Variants in HAPLN3 observed in about 807,000 individuals in gnomAD.
HAPLN3 encodes hyaluronan and proteoglycan link protein 3.
Under a neutral mutation model 28.1 loss-of-function variants are expected in HAPLN3, and 28 were observed. The ratio of observed to expected loss-of-function variants is 1.00; its 90% CI spans 0.74 to 1.37. The LOEUF (loss-of-function observed/expected upper bound fraction) is 1.37, where lower values mean the gene tolerates loss of function less well. Ranked by LOEUF, HAPLN3 falls within the 40% of genes most tolerant of loss-of-function variation. The pLI is 0.00. For synonymous variants in HAPLN3, 211 were observed against 213.1 expected (o/e 0.99, Z 0.09); for missense variants, 513 against 504.6 (o/e 1.02, Z -0.16).
rs921942154 is a variant in HAPLN3, at chr15:88,877,665, G to A, written c.*305C>T. The A allele has an allele frequency of 1.6e-5, 5 of 315,770 alleles. No individual in the cohort carries two copies. The highest frequency in any genetic ancestry group is 2.9e-5 in the Non-Finnish European group (5 of 172,304). The allele number at this position is 315,770 out of a possible 1,614,324, so 19.6% of individuals were successfully genotyped here. ...CCGGCGGCATTCTAGACAGGCCACCGCCCACTCTGGGCACCAACCTCCTTA... is the reference window on the plus strand; with the variant it reads ...CCGGCGGCATTCTAGACAGGCCACCACCCACTCTGGGCACCAACCTCCTTA... On this transcript the variant is annotated 3_prime_UTR_variant, in exon 5 of 5. Coordinates refer to ENST00000359595, the MANE Select transcript of HAPLN3 (RefSeq NM_178232.4). The surrounding 1 kb of genome is among the most constrained non-coding windows in gnomAD (Gnocchi z 5.1).
At chr15:88,886,808 G>C (rs1198178623) in intron 2 of HAPLN3, among the ~76,000 whole-genome samples, 2 of 152,234 alleles carry the variant, frequency 1.3e-5, no homozygotes, top group Admixed American at 1.3e-4. Context: ...CTCGGCAACA[G>C]AGTGAGACTT....
At position 88,895,054 on chromosome 15, in the gene HAPLN3, T is replaced by C. The variant is rs1023585610; in HGVS notation, c.-48+405A>G. On this transcript the variant is annotated intron_variant, in intron 1 of 4. Coordinates refer to ENST00000359595, the MANE Select transcript of HAPLN3 (RefSeq NM_178232.4). This position sits in a 1 kb window ranked among gnomAD's most constrained non-coding sequence, Gnocchi z 5.5. ...CGGGGCCCCCGGAGCATCCAACAGA[T>C]ACCCAGGGGCAGGGCCTGGGGCGCC... Among the ~76,000 whole-genome samples the C allele has an allele frequency of 6.6e-6, 1 of 152,028 alleles. No homozygotes were observed. Among genetic ancestry groups the C allele is most frequent in the African/African-American group, 2.4e-5 (1 of 41,436 alleles).
At chr15:88,886,240 G>T (rs938190228) in intron 2 of HAPLN3, among the ~76,000 whole-genome samples, 1 of 149,420 alleles carries the variant, frequency 6.7e-6, no homozygotes, top group African/African-American at 2.5e-5. Context: ...AATCCCAGCT[G>T]CTTGGGAGGC....
chr15:88,889,516 T>C (rs1897954612), intron 1 of HAPLN3, among the ~76,000 whole-genome samples: 1 of 152,122 alleles, frequency 6.6e-6, no homozygotes, highest in Non-Finnish European at 1.5e-5. Flanking sequence ...TTGTATTTTT[T>C]GTAGAGACGG....
intron 1 of HAPLN3, chr15:88,892,933 C>T (rs1261532278): frequency 1.3e-6 from 2 of 1,531,612 alleles, no homozygotes; most frequent in South Asian, 1.2e-5. Context: ...CACAGAGGTG[C>T]CACCAGCTGG....
Position 88,879,035 on chromosome 15 carries a change from C to T in HAPLN3, c.728G>A (p.Arg243Gln), listed in dbSNP as rs1018608483. Residue 243 changes from arginine to glutamine, a missense_variant, in exon 4 of 5, where the codon CGA becomes CAA. Coordinates refer to ENST00000359595, the MANE Select transcript of HAPLN3 (RefSeq NM_178232.4). The surrounding 1 kb of genome is among the most constrained non-coding windows in gnomAD (Gnocchi z 5.0). ...CGGPGLAPGV[R>Q]SYGPRHRRLH... ...GCGGCGGTGGCGGGGGCCGTAGCTT[C>T]GCACGCCAGGTGCCAGGCCCGGGCC... 7 of 1,607,944 alleles carry T rather than the reference C, an allele frequency of 4.4e-6. No individual in the cohort carries two copies. Among genetic ancestry groups the T allele is most frequent in the African/African-American group, 2.7e-5 (2 of 74,998 alleles).
At chr15:88,887,962 T>C (rs750085778) in intron 1 of HAPLN3, among the ~76,000 whole-genome samples, 13 of 151,044 alleles carry the variant, frequency 8.6e-5, no homozygotes, top group Non-Finnish European at 1.9e-4. Flanking sequence ...AAACTCTATC[T>C]CAAAAAAAAG....
At chr15:88,882,535 T>C (rs1897734101) in intron 2 of HAPLN3, among the ~76,000 whole-genome samples, 1 of 152,164 alleles carries the variant, frequency 6.6e-6, no homozygotes, top group Non-Finnish European at 1.5e-5. Context: ...GCAGAACTTC[T>C]AAAGGAGACT....
chr15:88,893,440 T>C (rs8029559), intron 1 of HAPLN3, among the ~76,000 whole-genome samples: 44,395 of 150,096 alleles, frequency 0.3, 6,654 homozygotes, highest in African/African-American at 0.35. Context: ...TGGGCTGTGG[T>C]GACAATTATA....
intron 2 of HAPLN3, among the ~76,000 whole-genome samples, chr15:88,882,147 A>G (rs933470779): frequency 2.6e-5 from 4 of 152,196 alleles, no homozygotes; most frequent in Admixed American, 6.5e-5. Flanking sequence ...AGCTGAGGCC[A>G]TCCTACAGCA....
At chr15:88,890,565 G>A (rs979810510) in intron 1 of HAPLN3, among the ~76,000 whole-genome samples, 1 of 152,170 alleles carries the variant, frequency 6.6e-6, no homozygotes, top group Non-Finnish European at 1.5e-5. Flanking sequence ...GTCTAGATGG[G>A]TGCACGACCG....
Position 88,885,201 on chromosome 15 carries a change from G to A in HAPLN3, c.124+1974C>T, listed in dbSNP as rs901237855. Among the ~76,000 whole-genome samples the A allele has an allele frequency of 1.1e-4, 17 of 152,342 alleles. No homozygotes were observed. In the East Asian group the frequency reaches 1.9e-3, roughly 17 times the overall value. On this transcript the variant is annotated intron_variant, in intron 2 of 4. Coordinates refer to ENST00000359595, the MANE Select transcript of HAPLN3 (RefSeq NM_178232.4). The stretch of plus-strand genomic sequence containing the variant: ...GTGTCGTCTCTGAACCAGGCTGTGC[G>A]CTCTTCATGGCAGGTGCTGGCTATT...
At position 88,879,856 on chromosome 15, in the gene HAPLN3, G is replaced by C. The variant is rs952698429; in HGVS notation, c.494-587C>G. ...CTCTCCTTGTGGTCAGGGTCTGATA[G>C]AGGCCACAGGCCCTGAAAAGATATG... is the stretch of plus-strand genomic sequence containing the variant. On this transcript the variant is annotated intron_variant, in intron 3 of 4. Coordinates refer to ENST00000359595, the MANE Select transcript of HAPLN3 (RefSeq NM_178232.4). This position sits in a 1 kb window ranked among gnomAD's most constrained non-coding sequence, Gnocchi z 5.0. The C allele has an allele frequency of 1.8e-5, 19 of 1,047,372 alleles. No individual in the cohort carries two copies. Among genetic ancestry groups the C allele is most frequent in the Non-Finnish European group, 2.2e-5 (19 of 867,468 alleles). 64.9% of individuals were successfully genotyped at this position (1,047,372 alleles called of 1,614,324 possible). A position where few individuals can be genotyped will look rare whatever the true frequency, so the allele number is the denominator to read the frequency against.
rs931979053 is a variant in HAPLN3, at chr15:88,888,217, G to A, written c.-47-872C>T. Among the ~76,000 whole-genome samples, 3 of 149,200 alleles carry A rather than the reference G, an allele frequency of 2.0e-5. No individual in the cohort carries two copies. Among genetic ancestry groups the A allele is most frequent in the South Asian group, 2.3e-4 (1 of 4,438 alleles). On this transcript the variant is annotated intron_variant, in intron 1 of 4. Transcript: ENST00000359595. This position sits in a 1 kb window ranked among gnomAD's most constrained non-coding sequence, Gnocchi z 4.1. Reference sequence around the variant, plus strand: ...AGAAATTCTCCTGCCTCAGCCTCCCGAGTAGCTGGGACTACAGGTGCGTGC... The same window carrying A: ...AGAAATTCTCCTGCCTCAGCCTCCCAAGTAGCTGGGACTACAGGTGCGTGC...
Position 88,881,614 on chromosome 15 carries a change from A to T in HAPLN3, c.236T>A (p.Val79Asp), listed in dbSNP as rs887945302. ...TTTGACACGCACACGCCGCGGGGAG[A>T]CCAGGGCCGGCTCGTAGCGGTAGCG... ...PCRYRYEPAL[V>D]SPRRVRVKWW... Residue 79 changes from valine (V) to aspartate (D), a missense_variant, in exon 3 of 5, where the codon GTC becomes GAC. By Grantham distance (152) the Val-to-Asp change is radical. Coordinates refer to ENST00000359595, the MANE Select transcript of HAPLN3 (RefSeq NM_178232.4). This position sits in a 1 kb window ranked among gnomAD's most constrained non-coding sequence, Gnocchi z 6.0. 1 of 1,613,928 alleles carries T rather than the reference A, an allele frequency of 6.2e-7. No individual in the cohort carries two copies. The highest frequency in any genetic ancestry group is 8.5e-7 in the Non-Finnish European group (1 of 1,180,020).
chr15:88,883,317 G>A (rs1167626557), intron 2 of HAPLN3, among the ~76,000 whole-genome samples: 1 of 152,260 alleles, frequency 6.6e-6, no homozygotes, highest in Non-Finnish European at 1.5e-5. Context: ...GCTCTGCAGA[G>A]GCAGTAGGTA....
rs748252596 is a variant in HAPLN3, at chr15:88,887,448, C to T, written c.-47-103G>A. 6.8e-5 allele frequency: 72 copies of T among 1,059,456 alleles called. No homozygotes were observed. The South Asian group carries it at 8.3e-4, about 12-fold the overall frequency. 65.6% of individuals were successfully genotyped at this position (1,059,456 alleles called of 1,614,324 possible). A position where few individuals can be genotyped will look rare whatever the true frequency, so the allele number is the denominator to read the frequency against. On this transcript the variant is annotated intron_variant, in intron 1 of 4. Coordinates refer to ENST00000359595, the MANE Select transcript of HAPLN3 (RefSeq NM_178232.4). ...CACTCGCTTGCTCAACAGCTCACTG[C>T]GGGACACCTGCCGCCTACGTGCCAG...
Position 88,881,526 on chromosome 15 carries a change from C to T in HAPLN3, c.324G>A (p.Arg108=), listed in dbSNP as rs377156520. 5 of 1,614,102 alleles carry T rather than the reference C, an allele frequency of 3.1e-6. No homozygotes were observed. Among genetic ancestry groups the T allele is most frequent in the Non-Finnish European group, 4.2e-6 (5 of 1,180,046 alleles). ...EKDVLVAIGL[R]HRSFGDYQGR... is the part of the protein sequence containing the mutation. ...CTTGGTAGTCCCCAAAGGAGCGGTG[C>T]CTCAGCCCGATGGCCACCAGCACGT... is the stretch of plus-strand genomic sequence containing the variant. Residue 108 remains arginine, a synonymous_variant, in exon 3 of 5, where the codon AGG becomes AGA. Coordinates refer to ENST00000359595, the MANE Select transcript of HAPLN3 (RefSeq NM_178232.4). The surrounding 1 kb of genome is among the most constrained non-coding windows in gnomAD (Gnocchi z 6.0).
chr15:88,887,075 G>T lies in HAPLN3; in HGVS notation c.124+100C>A, dbSNP rs565898017. Reference sequence around the variant, plus strand: ...ACAAGGGCCCTGCTGGAACAGGGCTGCTGTCCCTGTCCCAGCCTGGAACCC... The same window carrying T: ...ACAAGGGCCCTGCTGGAACAGGGCTTCTGTCCCTGTCCCAGCCTGGAACCC... On this transcript the variant is annotated intron_variant, in intron 2 of 4. Coordinates refer to ENST00000359595, the MANE Select transcript of HAPLN3 (RefSeq NM_178232.4). The T allele has an allele frequency of 1.6e-3, 2,104 of 1,315,988 alleles. 33 individuals carry two copies. The highest frequency in any genetic ancestry group is 1.2e-4 in the Non-Finnish European group (108 of 909,412). 81.5% of individuals were successfully genotyped at this position (1,315,988 alleles called of 1,614,324 possible). A position where few individuals can be genotyped will look rare whatever the true frequency, so the allele number is the denominator to read the frequency against.
Sources: allele counts gnomAD v4.1 joint callset (sites outside exome capture counted in the v4.1 genomes callset), GRCh38; gene constraint gnomAD v4.1.1; non-coding constraint Gnocchi (gnomAD v3.1); transcripts MANE v1.5; gene names NCBI Gene and HGNC (gene_info 2026-07-23, HGNC 2026-07-21).